The following ODAD2 variants were observed in gnomAD, a reference collection of about 807,000 sequenced individuals.
ODAD2 encodes the protein outer dynein arm docking complex subunit 2, also known as outer dynein arm-docking complex subunit 2.
Under a neutral mutation model 106.8 loss-of-function variants are expected in ODAD2, and 89 were observed. That is an observed-to-expected ratio of 0.83 (90% CI 0.70 to 0.99). The LOEUF is 0.99. Ranked by LOEUF, ODAD2 falls within the 50% of genes least tolerant of loss-of-function variation. ODAD2 has a pLI of 0.00. For synonymous variants in ODAD2, 404 were observed against 436.2 expected (o/e 0.93, Z 0.92); for missense variants, 1,168 against 1,238.5 (o/e 0.94, Z 0.85).
At position 27,994,933 on chromosome 10, in the gene ODAD2, T is replaced by C. The variant is rs771144051; in HGVS notation, c.210A>G (p.Ser70=). The change falls in exon 2 of 20, where the codon TCA becomes TCG. Residue 70 remains serine (S), a synonymous_variant. Transcript: ENST00000305242. ...AACTGGCTTACCTGACAACATAACC[T>C]GATTCAAATGCTGAGGGCGCCAAAC... ...NTSLAPSAFE[S]GYVVSETTVK... is the part of the protein sequence containing the mutation. 3.7e-6 allele frequency: 6 copies of C among 1,614,198 alleles called. No homozygotes were observed. Among genetic ancestry groups the C allele is most frequent in the Non-Finnish European group, 5.1e-6 (6 of 1,180,030 alleles).
intron 19 of ODAD2, among the ~76,000 whole-genome samples, chr10:27,829,021 T>C (rs1001129713): frequency 6.6e-6 from 1 of 152,096 alleles, no homozygotes; most frequent in Non-Finnish European, 1.5e-5. Context: ...ATATTTAAAA[T>C]ACATGATGGG....
At chr10:27,849,842 T>C (rs1259955274) in intron 19 of ODAD2, among the ~76,000 whole-genome samples, 1 of 152,224 alleles carries the variant, frequency 6.6e-6, no homozygotes, top group African/African-American at 2.4e-5. Flanking sequence ...TTTCAATTCT[T>C]TTTAAAGTCG....
At chr10:27,937,173 T>A (rs550945660) in intron 14 of ODAD2, among the ~76,000 whole-genome samples, 1 of 152,226 alleles carries the variant, frequency 6.6e-6, no homozygotes, top group South Asian at 2.1e-4. Flanking sequence ...GTGGAAAACC[T>A]ACAACTCCAC....
intron 12 of ODAD2, among the ~76,000 whole-genome samples, chr10:27,941,520 A>C (rs1434250080): frequency 1.3e-5 from 2 of 149,132 alleles, no homozygotes; most frequent in Admixed American, 6.8e-5. Flanking sequence ...AAACCATGAG[A>C]TCTCTTTGGA....
intron 19 of ODAD2, among the ~76,000 whole-genome samples, chr10:27,840,479 T>A (rs1332647918): frequency 6.6e-6 from 1 of 152,202 alleles, no homozygotes; most frequent in African/African-American, 2.4e-5. Flanking sequence ...TTGGAAGCCA[T>A]CTTGTAAAGT....
At chr10:27,906,249 CGT>C (rs1421643045) in intron 17 of ODAD2, among the ~76,000 whole-genome samples, 1 of 152,122 alleles carries the variant, frequency 6.6e-6, no homozygotes, top group Non-Finnish European at 1.5e-5. Context: ...GACCAACAAA[CGT>C]ATGAAAAAAA....
chr10:27,887,833 T>C (rs1842324771), intron 17 of ODAD2, among the ~76,000 whole-genome samples: 1 of 151,736 alleles, frequency 6.6e-6, no homozygotes, highest in African/African-American at 2.4e-5. Context: ...GACTTTAAAT[T>C]AGATTTTAAA....
chr10:27,937,919 C>G (rs981884873), intron 14 of ODAD2, among the ~76,000 whole-genome samples: 1 of 152,080 alleles, frequency 6.6e-6, no homozygotes, highest in Non-Finnish European at 1.5e-5. Flanking sequence ...CAAATTGTGT[C>G]CCCTCAAAAT....
In ODAD2 at chr10:27,944,488, A is replaced by G. The variant is rs150744353; in HGVS notation, c.1534-57T>C. The G allele has an allele frequency of 3.6e-3, 5,325 of 1,487,822 alleles. 21 individuals carry two copies. Among genetic ancestry groups the G allele is most frequent in the Non-Finnish European group, 4.2e-3 (4,542 of 1,073,182 alleles). 92.2% of individuals were successfully genotyped at this position (1,487,822 alleles called of 1,614,324 possible). A position where few individuals can be genotyped will look rare whatever the true frequency, so the allele number is the denominator to read the frequency against. ...TATGTAACCCGTGCTATGTTTTTAA[A>G]AATTCCGAGTATACCTAAAATCCTT... is the stretch of plus-strand genomic sequence containing the variant. On this transcript the variant is annotated intron_variant, in intron 11 of 19. Coordinates refer to ENST00000305242, the MANE Select transcript of ODAD2 (RefSeq NM_018076.5).
intron 17 of ODAD2, among the ~76,000 whole-genome samples, chr10:27,882,549 G>C (rs180879402): frequency 6.6e-6 from 1 of 152,090 alleles, no homozygotes; most frequent in South Asian, 2.1e-4. Flanking sequence ...ACATTTTCTA[G>C]AACTCTCAAA....
intron 11 of ODAD2, 45 bp downstream of exon 11, chr10:27,944,771 A>T (rs1564533425): frequency 6.2e-7 from 1 of 1,612,142 alleles, no homozygotes. Context: ...AGAGCCCAGG[A>T]AGGTGGGAAC....
chr10:27,829,426 T>G (rs1452023406), intron 19 of ODAD2, among the ~76,000 whole-genome samples: 1 of 152,214 alleles, frequency 6.6e-6, no homozygotes, highest in Admixed American at 6.5e-5. Flanking sequence ...GGCCTTTCCT[T>G]CCATTTACCC....
At chr10:27,824,556 T>C (rs1191551923) in intron 19 of ODAD2, among the ~76,000 whole-genome samples, 1 of 152,160 alleles carries the variant, frequency 6.6e-6, no homozygotes, top group Non-Finnish European at 1.5e-5. Context: ...TCCTCATAAA[T>C]TACCCAGTCT....
chr10:27,911,864 C>T lies in ODAD2; in HGVS notation c.2496-4087G>A, dbSNP rs909545697. On this transcript the variant is annotated intron_variant, in intron 16 of 19. Transcript: ENST00000305242. ...CAGGAATTCTGTATTTCCCACCACA[C>T]TCCCAGCAGGCTACCACACCAGTGA... Among the ~76,000 whole-genome samples the T allele has an allele frequency of 9.2e-5, 14 of 152,282 alleles. No individual in the cohort carries two copies. The East Asian group carries it at 1.5e-3, about 17-fold the overall frequency.
rs570453583 is a variant in ODAD2 at position 27,837,487 on chromosome 10, G to A, written c.3021+23138C>T. On this transcript the variant is annotated intron_variant, in intron 19 of 19. Transcript: ENST00000305242. ...CAGGTTTCCACAATCAGAAAATCAT[G>A]GGTCTAGAGAAAATATCAGCGTTTT... 1.1e-4 allele frequency among the ~76,000 whole-genome samples: 16 copies of A among 152,192 alleles called. No homozygotes were observed. In the South Asian group the frequency reaches 3.3e-3, roughly 32 times the overall value.
intron 19 of ODAD2, among the ~76,000 whole-genome samples, chr10:27,818,930 G>C (rs1050665509): frequency 2.0e-5 from 3 of 152,090 alleles, no homozygotes; most frequent in Admixed American, 2.0e-4. Context: ...CAGCATCTTG[G>C]ATCTGTACTC....
At chr10:27,990,554 A>G (rs1337368497) in intron 2 of ODAD2, among the ~76,000 whole-genome samples, 1 of 152,268 alleles carries the variant, frequency 6.6e-6, no homozygotes, top group Non-Finnish European at 1.5e-5. Flanking sequence ...AGAAACTAGC[A>G]GTCCTCAGGG....
At chr10:27,933,971 C>A (rs931245438) in intron 16 of ODAD2, among the ~76,000 whole-genome samples, 1 of 152,114 alleles carries the variant, frequency 6.6e-6, no homozygotes, top group Non-Finnish European at 1.5e-5. Context: ...TGAATTCCCA[C>A]GTGTTGTGGG....
chr10:27,990,325 G>A (rs1446026023), intron 2 of ODAD2, among the ~76,000 whole-genome samples: 2 of 152,124 alleles, frequency 1.3e-5, no homozygotes, highest in Middle Eastern at 3.4e-3. Flanking sequence ...TTATTTATTC[G>A]TTGGTCTGTT....
Sources: gnomAD v4.1 joint callset for allele counts (sites outside exome capture counted in the v4.1 genomes callset) on GRCh38, gnomAD v4.1.1 for gene constraint, MANE v1.5 for transcripts, NCBI Gene and HGNC (gene_info 2026-07-23, HGNC 2026-07-21) for gene names.